The following IRAK3 variants were observed in gnomAD, a reference collection of about 807,000 sequenced individuals.
The protein encoded by IRAK3 is interleukin-1 receptor-associated kinase 3.
IRAK3 carries 57 observed loss-of-function variants against 56.6 expected under a neutral mutation model. The ratio of observed to expected loss-of-function variants is 1.01; its 90% confidence interval spans 0.81 to 1.26. IRAK3 has a LOEUF of 1.26. IRAK3 is among the 50% of genes most tolerant of loss of function. The probability of loss-of-function intolerance (pLI) is 0.00; values close to 1 mark genes in which losing one functional copy is unlikely to be tolerated. For missense variants in IRAK3, 703 were observed against 719.0 expected, an observed-to-expected ratio of 0.98 and a Z score of 0.25; for synonymous variants, 258 against 255.7, an observed-to-expected ratio of 1.01 and a Z score of -0.09.
intron 8 of IRAK3, chr12:66,234,229 G>A (rs2052878003): frequency 6.2e-7 from 1 of 1,613,806 alleles, no homozygotes; most frequent in Non-Finnish European, 8.5e-7. Context: ...TTGCAGGCAT[G>A]TATGTTCCGG....
intron 1 of IRAK3, among the ~76,000 whole-genome samples, chr12:66,193,503 G>T (rs766290356): frequency 2.0e-5 from 3 of 152,122 alleles, no homozygotes; most frequent in Non-Finnish European, 4.4e-5. Flanking sequence ...GCTTTATTCA[G>T]ACTTCCTTTG....
chr12:66,241,301 T>C (rs1485549363), intron 8 of IRAK3, among the ~76,000 whole-genome samples: 3 of 152,174 alleles, frequency 2.0e-5, no homozygotes, highest in Non-Finnish European at 4.4e-5. Flanking sequence ...AAGCATGAAA[T>C]TGAGGATATG....
At chr12:66,237,188 TTG>T (rs2052916886) in intron 8 of IRAK3, among the ~76,000 whole-genome samples, 1 of 152,082 alleles carries the variant, frequency 6.6e-6, no homozygotes, top group African/African-American at 2.4e-5. Flanking sequence ...TCTCCCAGCA[TTG>T]TGAGGAGGAA....
intron 8 of IRAK3, among the ~76,000 whole-genome samples, chr12:66,233,017 T>A (rs572650853): frequency 2.1e-5 from 3 of 144,462 alleles, no homozygotes; most frequent in South Asian, 2.1e-4. Flanking sequence ...TATTATTATT[T>A]TTAAAAAGCC....
Position 66,251,770 on chromosome 12 carries a change from C to T in IRAK3, c.*3599C>T, listed in dbSNP as rs995366028. On this transcript the variant is annotated 3_prime_UTR_variant, in exon 12 of 12. Coordinates refer to ENST00000261233, the MANE Select transcript of IRAK3 (RefSeq NM_007199.3). The stretch of plus-strand genomic sequence containing the variant: ...TTTATCATGAGTAGCATTTATTAAG[C>T]ATCTGCTAGAATCAAAGCACTGCAT... The T allele has an allele frequency of 6.6e-6, 1 of 152,186 alleles. No homozygotes were observed. Among genetic ancestry groups the T allele is most frequent in the South Asian group, 2.1e-4 (1 of 4,830 alleles). The allele number at this position is 152,186 out of a possible 1,614,324, so 9.4% of individuals were successfully genotyped here.
At chr12:66,227,288 C>T (rs113300689) in intron 7 of IRAK3, among the ~76,000 whole-genome samples, 22 of 152,216 alleles carry the variant, frequency 1.4e-4, no homozygotes, top group African/African-American at 4.8e-4. Context: ...GCCAGATTCT[C>T]GCCTCTACTA....
At chr12:66,222,596 A>G (rs1167526658) in intron 6 of IRAK3, among the ~76,000 whole-genome samples, 1 of 152,020 alleles carries the variant, frequency 6.6e-6, no homozygotes, top group Non-Finnish European at 1.5e-5. Flanking sequence ...TTTCTGAGAG[A>G]TATTAATAAT....
chr12:66,198,889 G>A (rs1485190602), intron 1 of IRAK3, among the ~76,000 whole-genome samples: 1 of 151,808 alleles, frequency 6.6e-6, no homozygotes, highest in Non-Finnish European at 1.5e-5. Context: ...CGAGTAGTTA[G>A]GACTATAGGT....
chr12:66,230,420 A>C (rs1048289298), intron 8 of IRAK3, among the ~76,000 whole-genome samples: 4 of 152,194 alleles, frequency 2.6e-5, no homozygotes, highest in African/African-American at 9.6e-5. Context: ...GCCTCAGTCC[A>C]TGCCATGGGG....
intron 8 of IRAK3, chr12:66,234,286 C>G (rs2052878571): frequency 6.2e-7 from 1 of 1,612,764 alleles, no homozygotes; most frequent in African/African-American, 1.3e-5. Context: ...GAGGGCTGAT[C>G]ATTGATGCGG....
chr12:66,199,507 C>T (rs1326322327), intron 1 of IRAK3, among the ~76,000 whole-genome samples: 1 of 152,178 alleles, frequency 6.6e-6, no homozygotes, highest in Non-Finnish European at 1.5e-5. Flanking sequence ...ATAGTGTACT[C>T]TATCCAATAC....
At chr12:66,225,899 G>A (rs2052780598) in intron 6 of IRAK3, among the ~76,000 whole-genome samples, 1 of 152,196 alleles carries the variant, frequency 6.6e-6, no homozygotes, top group African/African-American at 2.4e-5. Flanking sequence ...TTTGAGCTGT[G>A]TAGCTGGTAT....
chr12:66,197,185 A>T, intron 1 of IRAK3: 1 of 1,275,192 alleles, frequency 7.8e-7, no homozygotes, highest in Non-Finnish European at 9.9e-7. Context: ...GGTTTTAAAC[A>T]ATGCTTAACT....
Position 66,219,536 on chromosome 12 carries a change from G to A in IRAK3, c.653+2301G>A, listed in dbSNP as rs936069530. Among the ~76,000 whole-genome samples, 6 of 152,318 alleles carry A rather than the reference G, an allele frequency of 3.9e-5. No individual in the cohort carries two copies. In the East Asian group the frequency reaches 1.2e-3, roughly 29 times the overall value. On this transcript the variant is annotated intron_variant, in intron 6 of 11. Transcript: ENST00000261233. ...TCTTTTGTAAATTGCCCAGTCTCAG[G>A]TATGTCTTTATCAGCAGCATGAAAA...
At chr12:66,202,594 GT>G in intron 1 of IRAK3, among the ~76,000 whole-genome samples, 1 of 151,856 alleles carries the variant, frequency 6.6e-6, no homozygotes, top group African/African-American at 2.4e-5. Context: ...CTGGGGCAGT[GT>G]GGCAAAACCC....
At chr12:66,202,520 C>T (rs1314944384) in intron 1 of IRAK3, among the ~76,000 whole-genome samples, 1 of 152,038 alleles carries the variant, frequency 6.6e-6, no homozygotes, top group Non-Finnish European at 1.5e-5. Flanking sequence ...ACATGTAATC[C>T]CAGCACTTTG....
intron 5 of IRAK3, among the ~76,000 whole-genome samples, chr12:66,215,072 A>G (rs1382610848): frequency 6.6e-6 from 1 of 152,226 alleles, no homozygotes; most frequent in Non-Finnish European, 1.5e-5. Flanking sequence ...TCTCAAAATT[A>G]CTGAGAAGAT....
chr12:66,211,013 G>A (rs1488284723), intron 4 of IRAK3, among the ~76,000 whole-genome samples: 1 of 152,196 alleles, frequency 6.6e-6, no homozygotes, highest in Non-Finnish European at 1.5e-5. Flanking sequence ...TAGGCAGTTA[G>A]AGGATTTGGC....
intron 8 of IRAK3, among the ~76,000 whole-genome samples, chr12:66,229,888 A>G: frequency 6.6e-6 from 1 of 152,236 alleles, no homozygotes; most frequent in East Asian, 1.9e-4. Context: ...TTTGGTCTAA[A>G]CTTAAAATAA....
Sources: allele counts gnomAD v4.1 joint callset (sites outside exome capture counted in the v4.1 genomes callset), GRCh38; gene constraint gnomAD v4.1.1; transcripts MANE v1.5; gene names NCBI Gene and HGNC (gene_info 2026-07-23, HGNC 2026-07-21).